The following OCIAD1 variants were observed in gnomAD, a reference collection of about 807,000 sequenced individuals.
The protein encoded by OCIAD1 is OCIA domain containing 1, also known as OCIA domain-containing protein 1.
In OCIAD1, 29 loss-of-function variants were observed where a neutral mutation model predicts 38.9. The ratio of observed to expected loss-of-function variants is 0.74; its 90% CI spans 0.55 to 1.02. The LOEUF is 1.02. Among genes scored for constraint, OCIAD1 ranks in the 50% least tolerant of loss-of-function variants. The pLI, the probability that OCIAD1 is intolerant of heterozygous loss-of-function variation, is 0.00. For synonymous variants in OCIAD1, 110 were observed against 92.0 expected, an observed-to-expected ratio of 1.20 and a Z score of -1.12; for missense variants, 288 against 289.6, an observed-to-expected ratio of 0.99 and a Z score of 0.04.
At chr4:48,821,462 C>G (rs964133089) in intron 1 of OCIAD1, among the ~76,000 whole-genome samples, 5 of 152,202 alleles carry the variant, frequency 3.3e-5, no homozygotes, top group African/African-American at 4.8e-5. Context: ...TGGGCAAAAG[C>G]TGGAAGCATT....
At chr4:48,833,105 GCCTGGCGTGGTGATGGGTGCCTGT>G (rs1777664585) in intron 2 of OCIAD1, among the ~76,000 whole-genome samples, 2 of 152,036 alleles carry the variant, frequency 1.3e-5, no homozygotes, top group African/African-American at 4.8e-5. Context: ...CAAAAAATTA[GCCTGGCGTGGTGATGGGTGCCTGT>G]AATCCCAGCT....
At chr4:48,821,879 T>C (rs1162513634) in intron 1 of OCIAD1, among the ~76,000 whole-genome samples, 2 of 152,106 alleles carry the variant, frequency 1.3e-5, no homozygotes, top group Non-Finnish European at 2.9e-5. Flanking sequence ...AAACCACTGC[T>C]CAAGGAAATA....
intron 1 of OCIAD1, among the ~76,000 whole-genome samples, chr4:48,818,855 G>T (rs564401425): frequency 1.3e-5 from 2 of 151,968 alleles, no homozygotes; most frequent in Admixed American, 6.6e-5. Context: ...CGGAATAAGG[G>T]ATGAAGACAA....
intron 1 of OCIAD1, among the ~76,000 whole-genome samples, chr4:48,806,410 T>C (rs1777025354): frequency 6.6e-6 from 1 of 152,236 alleles, no homozygotes; most frequent in African/African-American, 2.4e-5. Flanking sequence ...ATCACTTTTA[T>C]GATTTTTTTT....
chr4:48,835,457 T>C (rs1176123298), intron 3 of OCIAD1, among the ~76,000 whole-genome samples: 1 of 152,220 alleles, frequency 6.6e-6, no homozygotes, highest in Non-Finnish European at 1.5e-5. Context: ...TTTACAGTTG[T>C]GTTTTTCTGT....
At chr4:48,820,134 C>T (rs1318792024) in intron 1 of OCIAD1, among the ~76,000 whole-genome samples, 3 of 152,040 alleles carry the variant, frequency 2.0e-5, no homozygotes, top group African/African-American at 7.2e-5. Context: ...ATTCTAAAAT[C>T]GATCACATAA....
intron 4 of OCIAD1, among the ~76,000 whole-genome samples, chr4:48,846,206 GATGTTCTT>G (rs1259680025): frequency 1.3e-5 from 2 of 152,174 alleles, no homozygotes; most frequent in African/African-American, 4.8e-5. Context: ...TAAAAATAGA[GATGTTCTT>G]ACCATCTTCC....
chr4:48,826,712 A>G (rs1777255722), upstream of OCIAD1, among the ~76,000 whole-genome samples: 1 of 152,230 alleles, frequency 6.6e-6, no homozygotes, highest in African/African-American at 2.4e-5. Flanking sequence ...TCAATTAAAA[A>G]TCATAAAAGC....
At chr4:48,813,618 T>G (rs929059605) in intron 1 of OCIAD1, among the ~76,000 whole-genome samples, 2 of 152,240 alleles carry the variant, frequency 1.3e-5, no homozygotes, top group African/African-American at 4.8e-5. Context: ...TCAGATCCAC[T>G]GTGCTCCAGC....
intron 1 of OCIAD1, 179 bp downstream of exon 1, chr4:48,831,428 G>A (rs1274283605): frequency 1.7e-6 from 2 of 1,177,486 alleles, no homozygotes; most frequent in Admixed American, 4.6e-5. Context: ...GAGTGCTTCT[G>A]GGGGTGTGAG....
intron 1 of OCIAD1, among the ~76,000 whole-genome samples, chr4:48,814,240 T>G (rs200055810): frequency 8.3e-5 from 11 of 132,106 alleles, no homozygotes; most frequent in African/African-American, 1.5e-4. Flanking sequence ...TGTGGAGGGG[T>G]TTTTTTTTTT....
intron 7 of OCIAD1, among the ~76,000 whole-genome samples, chr4:48,852,882 G>GTTTTTTTGTTTTTTTTTTTTTTTTTTTTT (rs1779635252): frequency 7.9e-6 from 1 of 126,338 alleles, no homozygotes; most frequent in African/African-American, 3.2e-5. Flanking sequence ...TTTGTTTTTT[G>GTTTTTTTGTTTTTTTTTTTTTTTTTTTTT]TTTTTTTTTT....
upstream of OCIAD1, among the ~76,000 whole-genome samples, chr4:48,828,299 A>C (rs954502402): frequency 6.6e-6 from 1 of 152,180 alleles, no homozygotes; most frequent in South Asian, 2.1e-4. Flanking sequence ...TTGTAAATGC[A>C]CCAATCAGCA....
intron 1 of OCIAD1, among the ~76,000 whole-genome samples, chr4:48,814,693 CCT>C (rs887379839): frequency 4.6e-5 from 7 of 151,452 alleles, no homozygotes; most frequent in East Asian, 1.9e-4. Flanking sequence ...TTTATGCTTA[CCT>C]CTCTCTCTCT....
chr4:48,818,114 G>T (rs1350077072), intron 1 of OCIAD1, among the ~76,000 whole-genome samples: 2 of 152,212 alleles, frequency 1.3e-5, no homozygotes, highest in African/African-American at 2.4e-5. Flanking sequence ...TGACCTCTGT[G>T]CCTCCTGACT....
At chr4:48,835,210 A>C (rs1272607841) in intron 3 of OCIAD1, among the ~76,000 whole-genome samples, 2 of 152,200 alleles carry the variant, frequency 1.3e-5, no homozygotes, top group African/African-American at 4.8e-5. Flanking sequence ...CTGGGATTAC[A>C]GGTGTGAGCC....
chr4:48,852,975 C>G (rs868866807), intron 7 of OCIAD1, among the ~76,000 whole-genome samples: 7 of 149,650 alleles, frequency 4.7e-5, no homozygotes, highest in East Asian at 2.0e-4. Context: ...TCCGCCCCCC[C>G]AGCTTCACGC....
At chr4:48,860,596 A>C in intron 8 of OCIAD1, 129 bp from the exon 9 acceptor site, 3 of 744,068 alleles carry the variant, frequency 4.0e-6, no homozygotes, top group Non-Finnish European at 7.0e-6. Context: ...TTGTAATTAT[A>C]ATTTGACTCT....
At chr4:48,849,685 A>G (rs1431349174) in intron 5 of OCIAD1, among the ~76,000 whole-genome samples, 1 of 152,132 alleles carries the variant, frequency 6.6e-6, no homozygotes, top group African/African-American at 2.4e-5. Flanking sequence ...TTATAAAGTA[A>G]TTAGTATACT....
Sources: gnomAD v4.1 joint callset for allele counts (sites outside exome capture counted in the v4.1 genomes callset) on GRCh38, gnomAD v4.1.1 for gene constraint, MANE v1.5 for transcripts, NCBI Gene and HGNC (gene_info 2026-07-23, HGNC 2026-07-21) for gene names.